The following TUT7 variants were observed in gnomAD, a reference collection of about 807,000 sequenced individuals.
The protein encoded by TUT7 is terminal uridylyl transferase 7.
A neutral mutation model predicts 165.9 loss-of-function variants in TUT7; 33 were observed. That is an observed-to-expected ratio of 0.20 (90% confidence interval 0.15 to 0.27). The LOEUF (loss-of-function observed/expected upper bound fraction) is 0.27. Among genes scored for constraint, TUT7 ranks in the 10% least tolerant of loss-of-function variants. TUT7 has a pLI of 1.00. For missense variants in TUT7, 1,338 were observed against 1,762.3 expected (o/e 0.76, Z 4.31); for synonymous variants, 552 against 608.1 (o/e 0.91, Z 1.36).
chr9:86,343,015 A>G (rs1831448809), intron 6 of TUT7, 60 bp downstream of exon 6: 1 of 1,115,400 alleles, frequency 9.0e-7, no homozygotes, highest in Non-Finnish European at 1.3e-6. Context: ...GACAGTTTAC[A>G]TTTGTAAGAA....
At chr9:86,326,202 G>A (rs1829781568) in intron 11 of TUT7, among the ~76,000 whole-genome samples, 1 of 152,232 alleles carries the variant, frequency 6.6e-6, no homozygotes, top group South Asian at 2.1e-4. Flanking sequence ...TTCATTCTCA[G>A]ACTGGTAGCA....
At chr9:86,353,958 T>A (rs1334355908) in intron 1 of TUT7, among the ~76,000 whole-genome samples, 1 of 152,160 alleles carries the variant, frequency 6.6e-6, no homozygotes, top group Non-Finnish European at 1.5e-5. Flanking sequence ...CCACCACCGA[T>A]CTGCCTTAGT....
At chr9:86,301,894 A>G (rs893056734) in intron 25 of TUT7, 1 of 973,724 alleles carries the variant, frequency 1.0e-6, no homozygotes, top group Non-Finnish European at 1.2e-6. Flanking sequence ...CACTGATGTA[A>G]TGAAAGGCAA....
chr9:86,330,160 C>T (rs776796690), intron 10 of TUT7, among the ~76,000 whole-genome samples: 52 of 152,178 alleles, frequency 3.4e-4, no homozygotes, highest in African/African-American at 8.0e-4. Flanking sequence ...TGGGTTGAAG[C>T]GATTCTCCTG....
At chr9:86,309,114 A>C in intron 21 of TUT7, 98 bp downstream of exon 21, 1 of 730,344 alleles carries the variant, frequency 1.4e-6, no homozygotes, top group Non-Finnish European at 2.3e-6. Context: ...AGATATATAA[A>C]TACAACAAGC....
intron 14 of TUT7, among the ~76,000 whole-genome samples, chr9:86,320,471 G>A (rs1057044843): frequency 3.3e-5 from 5 of 152,050 alleles, no homozygotes; most frequent in South Asian, 2.1e-4. Context: ...ATTAATTAGC[G>A]TTACTCAAAA....
chr9:86,346,566 T>C (rs771174620), intron 2 of TUT7, 86 bp from the exon 3 acceptor site: 31 of 1,331,434 alleles, frequency 2.3e-5, no homozygotes, highest in Non-Finnish European at 3.1e-5. Flanking sequence ...TATTAAATCA[T>C]GTGAGAGAAT....
At chr9:86,334,852 T>G (rs1830633197) in intron 10 of TUT7, among the ~76,000 whole-genome samples, 1 of 152,162 alleles carries the variant, frequency 6.6e-6, no homozygotes, top group Admixed American at 6.6e-5. Context: ...GATTTTTGTC[T>G]TAAATCAGAG....
intron 1 of TUT7, among the ~76,000 whole-genome samples, chr9:86,353,615 A>C (rs544238445): frequency 6.6e-6 from 1 of 152,276 alleles, no homozygotes; most frequent in East Asian, 1.9e-4. Flanking sequence ...TTACTAAACT[A>C]CCGAAACAGT....
In TUT7 at chr9:86,288,056, T is replaced by C. The variant is rs1041821079; in HGVS notation, c.*621A>G. 6.6e-6 allele frequency: 1 copy of C among 152,256 alleles called. No homozygotes were observed. The highest frequency in any genetic ancestry group is 1.5e-5 in the Non-Finnish European group (1 of 68,042). 9.4% of individuals were successfully genotyped at this position (152,256 alleles called of 1,614,324 possible). A position where few individuals can be genotyped will look rare whatever the true frequency, so the allele number is the denominator to read the frequency against. ...TTCATTTTTATAAGCATAGTAGTTA[T>C]ATGTCAATTTACTTAAAATTAGAGA... is the stretch of plus-strand genomic sequence containing the variant. On this transcript the variant is annotated 3_prime_UTR_variant, in exon 27 of 27. Coordinates refer to ENST00000375963, the MANE Select transcript of TUT7 (RefSeq NM_024617.4).
At chr9:86,312,211 T>C (rs1411685814) in intron 17 of TUT7, among the ~76,000 whole-genome samples, 1 of 149,154 alleles carries the variant, frequency 6.7e-6, no homozygotes, top group South Asian at 2.1e-4. Flanking sequence ...ATCTAGGAAG[T>C]GAGGAGCGTC....
chr9:86,348,318 T>C (rs146006343), intron 2 of TUT7, among the ~76,000 whole-genome samples: 152 of 152,342 alleles, frequency 1.0e-3, no homozygotes, highest in African/African-American at 3.2e-3. Context: ...GCACTTTATA[T>C]GTACTGCCTT....
chr9:86,339,305 T>C (rs1831119513), intron 8 of TUT7, among the ~76,000 whole-genome samples: 1 of 152,130 alleles, frequency 6.6e-6, no homozygotes, highest in Non-Finnish European at 1.5e-5. Context: ...GGCGGGCAGA[T>C]CATGAGGTCA....
intron 11 of TUT7, among the ~76,000 whole-genome samples, chr9:86,325,856 CT>C (rs1469009576): frequency 6.6e-6 from 1 of 152,188 alleles, no homozygotes; most frequent in African/African-American, 2.4e-5. Flanking sequence ...GCACTGAACT[CT>C]TCCTGTTACT....
intron 10 of TUT7, chr9:86,336,769 G>A (rs1830817574): frequency 6.6e-6 from 1 of 152,194 alleles, no homozygotes; most frequent in South Asian, 2.1e-4. Context: ...CTAAGAGGAT[G>A]AGCTAATATC....
intron 26 of TUT7, among the ~76,000 whole-genome samples, chr9:86,292,786 A>T (rs1825998049): frequency 6.6e-6 from 1 of 152,096 alleles, no homozygotes; most frequent in Non-Finnish European, 1.5e-5. Context: ...AAAAGAAAAA[A>T]AAAATTGAAA....
At chr9:86,310,839 A>G (rs747960110) in intron 17 of TUT7, 30 bp from the exon 18 acceptor site, 1 of 1,260,136 alleles carries the variant, frequency 7.9e-7, no homozygotes, top group Non-Finnish European at 1.2e-6. Flanking sequence ...GTTATCATTA[A>G]ATACAGCAGC....
chr9:86,291,180 G>A (rs1207023445), intron 26 of TUT7, among the ~76,000 whole-genome samples: 2 of 151,952 alleles, frequency 1.3e-5, no homozygotes, highest in Non-Finnish European at 2.9e-5. Flanking sequence ...ATAAAAGAGC[G>A]GTATTCAGAA....
In TUT7 at chr9:86,323,179, T is replaced by C. The variant is rs373883903; in HGVS notation, c.2571A>G (p.Glu857=). The C allele has an allele frequency of 3.7e-6, 6 of 1,614,192 alleles. No individual in the cohort carries two copies. The African/African-American group carries it at 4.0e-5, about 11-fold the overall frequency. ...GGTTAATGGTGAGCCTAGGTTCTTCTTCCTCCTCCTCTTCTTCGTCGTCCT... is the reference window on the plus strand; with the variant it reads ...GGTTAATGGTGAGCCTAGGTTCTTCCTCCTCCTCCTCTTCTTCGTCGTCCT... ...EEEDDEEEEE[E]EEPRLTINQR... is the part of the protein sequence containing the mutation. The change falls in exon 13 of 27, where the codon GAA becomes GAG. Residue 857 remains glutamate (E), a synonymous_variant. Coordinates refer to ENST00000375963, the MANE Select transcript of TUT7 (RefSeq NM_024617.4).
Sources: gnomAD v4.1 joint callset for allele counts (sites outside exome capture counted in the v4.1 genomes callset) on GRCh38, gnomAD v4.1.1 for gene constraint, MANE v1.5 for transcripts, NCBI Gene and HGNC (gene_info 2026-07-23, HGNC 2026-07-21) for gene names.